The following CDKL1 variants were observed in gnomAD, a reference collection of about 807,000 sequenced individuals.
The protein encoded by CDKL1 is cyclin dependent kinase like 1, also known as cyclin-dependent kinase-like 1.
Under a neutral mutation model 42.0 loss-of-function variants are expected in CDKL1, and 41 were observed. The ratio of observed to expected loss-of-function variants is 0.98; its 90% CI spans 0.76 to 1.27. CDKL1 has a LOEUF of 1.27. CDKL1 is among the 50% of genes most tolerant of loss of function. CDKL1 has a pLI of 0.00. For synonymous variants in CDKL1, 153 were observed against 158.6 expected (o/e 0.96, Z 0.26); for missense variants, 394 against 428.4 (o/e 0.92, Z 0.71).
intron 3 of CDKL1, among the ~76,000 whole-genome samples, chr14:50,346,651 G>GTTTTTTTTTTTTT (rs375954757): frequency 8.1e-6 from 1 of 123,636 alleles, no homozygotes; most frequent in Non-Finnish European, 1.7e-5. Flanking sequence ...TTAAATTTTT[G>GTTTTTTTTTTTTT]GTTTTTTTTT....
chr14:50,348,568 C>G (rs1000093670), intron 3 of CDKL1, among the ~76,000 whole-genome samples: 7 of 152,194 alleles, frequency 4.6e-5, no homozygotes, highest in Non-Finnish European at 1.0e-4. Context: ...ACTTCACTCT[C>G]CAGGCACAAT....
chr14:50,362,303 G>A, intron 2 of CDKL1: 2 of 355,820 alleles, frequency 5.6e-6, no homozygotes. Context: ...GGACTGGCAG[G>A]CAGCTCCACC....
chr14:50,335,535 C>T (rs1350126132), intron 7 of CDKL1: 9 of 1,535,950 alleles, frequency 5.9e-6, no homozygotes, highest in East Asian at 4.9e-5. Flanking sequence ...GCGCCAGTCA[C>T]GTGCTGGAGA....
chr14:50,335,880 A>C (rs1285478816), intron 7 of CDKL1: 1 of 1,266,854 alleles, frequency 7.9e-7, no homozygotes, highest in African/African-American at 1.5e-5. Context: ...TAAGAGTAGG[A>C]GAGAAGAGCC....
At chr14:50,350,319 C>T (rs2033863339) in intron 3 of CDKL1, among the ~76,000 whole-genome samples, 1 of 152,212 alleles carries the variant, frequency 6.6e-6, no homozygotes, top group Non-Finnish European at 1.5e-5. Flanking sequence ...TGTGGCTGAG[C>T]TCTAGGGCAG....
chr14:50,382,830 C>T (rs564534213), intron 2 of CDKL1, among the ~76,000 whole-genome samples: 5 of 152,306 alleles, frequency 3.3e-5, no homozygotes, highest in East Asian at 3.9e-4. Flanking sequence ...TGAGCTCAAG[C>T]GATTTGCCTG....
In CDKL1 at chr14:50,326,404, G is replaced by T; in HGVS notation, c.*3670C>A. On this transcript the variant is annotated 3_prime_UTR_variant, in exon 10 of 10. Coordinates refer to ENST00000395834, the MANE Select transcript of CDKL1 (RefSeq NM_004196.7). ...TACATTTAACTTTAAAGTTAGTGAA[G>T]CATACTACCATAAATGCACAATTAT... is the stretch of plus-strand genomic sequence containing the variant. 1.0e-6 allele frequency: 1 copy of T among 956,674 alleles called. No individual in the cohort carries two copies. The allele number at this position is 956,674 out of a possible 1,614,324, so 59.3% of individuals were successfully genotyped here. A position where few individuals can be genotyped will look rare whatever the true frequency, so the allele number is the denominator to read the frequency against.
intron 2 of CDKL1, among the ~76,000 whole-genome samples, chr14:50,359,366 G>C (rs1454997067): frequency 6.6e-6 from 1 of 152,066 alleles, no homozygotes; most frequent in Admixed American, 6.6e-5. Context: ...TGAGGGCAAA[G>C]AGAGGTATAA....
intron 2 of CDKL1, among the ~76,000 whole-genome samples, chr14:50,361,138 G>C (rs528850673): frequency 6.6e-6 from 1 of 152,144 alleles, no homozygotes; most frequent in East Asian, 1.9e-4. Flanking sequence ...ATTAATCATA[G>C]ACAAGCAGGC....
intron 2 of CDKL1, among the ~76,000 whole-genome samples, chr14:50,389,097 C>CAAAA (rs57448948): frequency 2.2e-5 from 2 of 90,482 alleles, no homozygotes; most frequent in African/African-American, 4.4e-5. Flanking sequence ...AGACTGTCTT[C>CAAAA]AAAAAAAAAA....
At position 50,332,452 on chromosome 14, in the gene CDKL1, C is replaced by T; in HGVS notation, c.796-20G>A. 2 of 1,556,234 alleles carry T rather than the reference C, an allele frequency of 1.3e-6. No individual in the cohort carries two copies. The highest frequency in any genetic ancestry group is 1.7e-6 in the Non-Finnish European group (2 of 1,159,560). On this transcript the variant is annotated intron_variant, in intron 8 of 9. Coordinates refer to ENST00000395834, the MANE Select transcript of CDKL1 (RefSeq NM_004196.7). ...ACAGCCCTAAAAGAACAGAAAATTC[C>T]TTCTTCTTACTTCTTCAAAATTGTA...
chr14:50,387,902 GTTTT>G (rs1378485484), intron 2 of CDKL1, among the ~76,000 whole-genome samples: 2 of 151,990 alleles, frequency 1.3e-5, no homozygotes, highest in Non-Finnish European at 2.9e-5. Flanking sequence ...TTGTTTGTTT[GTTTT>G]GTTTTTTTGA....
intron 8 of CDKL1, chr14:50,332,740 GGGTA>G: frequency 1.4e-6 from 2 of 1,411,160 alleles, no homozygotes; most frequent in Non-Finnish European, 1.9e-6. Flanking sequence ...TGGCCAAATG[GGGTA>G]ATCCATTTAG....
chr14:50,362,870 A>G, intron 2 of CDKL1: 2 of 403,042 alleles, frequency 5.0e-6, no homozygotes, highest in Admixed American at 2.5e-5. Flanking sequence ...AGGCTGCCCG[A>G]CCCAGCAGTG....
At chr14:50,366,489 G>C (rs2034440010) in intron 2 of CDKL1, among the ~76,000 whole-genome samples, 2 of 152,192 alleles carry the variant, frequency 1.3e-5, no homozygotes. Flanking sequence ...GCCACGCTAA[G>C]CAATTCACTC....
intron 2 of CDKL1, among the ~76,000 whole-genome samples, chr14:50,389,599 T>A (rs1489540752): frequency 2.0e-5 from 3 of 152,158 alleles, no homozygotes; most frequent in Non-Finnish European, 2.9e-5. Flanking sequence ...ACATTTCCCC[T>A]CACACTTATT....
intron 7 of CDKL1, among the ~76,000 whole-genome samples, chr14:50,338,640 T>G (rs533766319): frequency 6.6e-6 from 1 of 152,058 alleles, no homozygotes; most frequent in Non-Finnish European, 1.5e-5. Context: ...CCTTGATAGG[T>G]CTAGGTCTAA....
chr14:50,341,605 C>A (rs748225790), intron 5 of CDKL1, among the ~76,000 whole-genome samples: 10 of 151,512 alleles, frequency 6.6e-5, no homozygotes, highest in Non-Finnish European at 1.5e-4. Context: ...GTGGTGAAAC[C>A]CCGTCTCTAC....
chr14:50,334,511 C>T, intron 8 of CDKL1, 54 bp downstream of exon 8: 1 of 952,992 alleles, frequency 1.0e-6, no homozygotes, highest in Non-Finnish European at 1.7e-6. Context: ...TCAGATTCCC[C>T]AGTGATGACA....
Sources: allele counts gnomAD v4.1 joint callset (sites outside exome capture counted in the v4.1 genomes callset), GRCh38; gene constraint gnomAD v4.1.1; transcripts MANE v1.5; gene names NCBI Gene and HGNC (gene_info 2026-07-23, HGNC 2026-07-21).